CHST11: variants seen among roughly 807,000 people sequenced by gnomAD.
CHST11 encodes C4S-1.
In CHST11, 9 loss-of-function variants were observed where a neutral mutation model predicts 30.4. The observed-to-expected ratio is 0.30, with a 90% CI of 0.18 to 0.52. The LOEUF (loss-of-function observed/expected upper bound fraction) is 0.52, where lower values mean the gene tolerates loss of function less well. Among genes scored for constraint, CHST11 ranks in the 20% least tolerant of loss-of-function variants. The pLI, the probability that CHST11 is intolerant of heterozygous loss-of-function variation, is 0.97. For missense variants in CHST11, 348 were observed against 460.6 expected (o/e 0.76, Z 2.24); for synonymous variants, 152 against 187.8 (o/e 0.81, Z 1.56).
At chr12:104,499,328 C>T (rs1383636373) in intron 1 of CHST11, among the ~76,000 whole-genome samples, 2 of 152,114 alleles carry the variant, frequency 1.3e-5, no homozygotes, top group Admixed American at 1.3e-4. Context: ...CAGTGGGGCC[C>T]CAGAAGCTCA....
Position 104,757,246 on chromosome 12 carries a change from A to G in CHST11, c.502A>G (p.Ser168Gly). 1.2e-6 allele frequency: 2 copies of G among 1,614,084 alleles called. No individual in the cohort carries two copies. Among genetic ancestry groups the G allele is most frequent in the Non-Finnish European group, 1.7e-6 (2 of 1,180,006 alleles). ...CAACCTGAAGACCCTGAACCAGTAC[A>G]GCATCCCAGAAATCAACCACCGCTT... ...SANLKTLNQY[S>G]IPEINHRLKS... Residue 168 changes from serine to glycine, a missense_variant, in exon 3 of 3, where the codon AGC (serine) becomes GGC (glycine). Ser to Gly is a moderately conservative substitution (Grantham distance 56). Around this residue, in one of 3 missense-constraint regions of CHST11, gnomAD observed 210 missense variants for 287.2 expected, o/e 0.73. Transcript: ENST00000303694. The surrounding 1 kb of genome is among the most constrained non-coding windows in gnomAD (Gnocchi z 6.5).
chr12:104,722,155 A>AGTGTCTGTGT (rs1555247510), intron 2 of CHST11, among the ~76,000 whole-genome samples: 2 of 137,482 alleles, frequency 1.5e-5, no homozygotes, highest in Non-Finnish European at 3.1e-5. Flanking sequence ...CACTCAGCTA[A>AGTGTCTGTGT]GTGTGTGTGT....
At chr12:104,513,305 T>C (rs191334593) in intron 1 of CHST11, among the ~76,000 whole-genome samples, 122 of 152,262 alleles carry the variant, frequency 8.0e-4, no homozygotes, top group Admixed American at 2.7e-3. Context: ...ATATTTTCTA[T>C]ATTCAGAGAT....
chr12:104,663,239 T>C lies in CHST11; in HGVS notation c.204+61248T>C, dbSNP rs137928786. 3.3e-5 allele frequency among the ~76,000 whole-genome samples: 5 copies of C among 152,384 alleles called. No homozygotes were observed. The East Asian group carries it at 9.6e-4, about 29-fold the overall frequency. On this transcript the variant is annotated intron_variant, in intron 2 of 2. Coordinates refer to ENST00000303694, the MANE Select transcript of CHST11 (RefSeq NM_018413.6). ...CGACTTCCATCTCGTGACGTTCTAC[T>C]GAATCTGTGATTTCGCTAAGGTTGA... is the stretch of plus-strand genomic sequence containing the variant.
chr12:104,559,951 T>G (rs2038496970), intron 1 of CHST11, among the ~76,000 whole-genome samples: 1 of 152,186 alleles, frequency 6.6e-6, no homozygotes, highest in African/African-American at 2.4e-5. Context: ...AACCTAATAT[T>G]TTGGAAGGTA....
At chr12:104,579,783 C>G (rs1038451996) in intron 1 of CHST11, among the ~76,000 whole-genome samples, 1 of 152,146 alleles carries the variant, frequency 6.6e-6, no homozygotes, top group African/African-American at 2.4e-5. Context: ...AGCTTGTATC[C>G]CACAGATGGA....
chr12:104,566,371 T>TG (rs148313365), intron 1 of CHST11, among the ~76,000 whole-genome samples: 10 of 151,210 alleles, frequency 6.6e-5, no homozygotes, highest in East Asian at 2.0e-4. Context: ...GCGGTTGGGG[T>TG]GGGGGGGCGG....
chr12:104,596,809 G>A (rs964432121), intron 1 of CHST11, among the ~76,000 whole-genome samples: 3 of 152,136 alleles, frequency 2.0e-5, no homozygotes, highest in South Asian at 2.1e-4. Context: ...TATGACTTCC[G>A]TCCCTGGTTC....
intron 1 of CHST11, among the ~76,000 whole-genome samples, chr12:104,583,861 T>C (rs531826087): frequency 6.6e-6 from 1 of 152,080 alleles, no homozygotes; most frequent in Non-Finnish European, 1.5e-5. Flanking sequence ...TACAGGCACC[T>C]GCCACCACAC....
At chr12:104,637,073 C>T (rs1430384844) in intron 2 of CHST11, among the ~76,000 whole-genome samples, 3 of 151,788 alleles carry the variant, frequency 2.0e-5, no homozygotes, top group Non-Finnish European at 2.9e-5. Flanking sequence ...GAGGCTGAGG[C>T]AGGTGGATTG....
chr12:104,693,579 G>A (rs1368227894), intron 2 of CHST11, among the ~76,000 whole-genome samples: 1 of 152,182 alleles, frequency 6.6e-6, no homozygotes, highest in African/African-American at 2.4e-5. Context: ...CACTGGATGG[G>A]AGACAAGAAA....
chr12:104,568,749 C>T lies in CHST11; in HGVS notation c.119-33157C>T, dbSNP rs118162885. 3.4e-3 allele frequency among the ~76,000 whole-genome samples: 510 copies of T among 152,184 alleles called. 5 individuals are homozygous for T. The highest frequency in any genetic ancestry group is 5.4e-3 in the Non-Finnish European group (365 of 68,010). ...AGCTCAGAGAGGTTAAGTAACTTGA[C>T]CAAATTAACACAGTGAAAAAGGGGC... On this transcript the variant is annotated intron_variant, in intron 1 of 2. Transcript: ENST00000303694.
chr12:104,724,751 C>T (rs1435846249), intron 2 of CHST11, among the ~76,000 whole-genome samples: 2 of 152,058 alleles, frequency 1.3e-5, no homozygotes, highest in East Asian at 3.9e-4. Context: ...CATTTGAGAT[C>T]GGCTGTGGTC....
chr12:104,758,596 C>T lies in CHST11; in HGVS notation c.*793C>T, dbSNP rs554059161. On this transcript the variant is annotated 3_prime_UTR_variant, in exon 3 of 3. Transcript: ENST00000303694. ...TATATACTAGGCCCTGAAGATAGAGCGTTGAACAAACCCAATAGTCTTGGC... is the reference window on the plus strand; with the variant it reads ...TATATACTAGGCCCTGAAGATAGAGTGTTGAACAAACCCAATAGTCTTGGC... The T allele has an allele frequency of 2.6e-5, 4 of 152,210 alleles. No homozygotes were observed. Among genetic ancestry groups the T allele is most frequent in the African/African-American group, 7.2e-5 (3 of 41,526 alleles). 9.4% of individuals were successfully genotyped at this position (152,210 alleles called of 1,614,324 possible).
intron 1 of CHST11, among the ~76,000 whole-genome samples, chr12:104,540,956 C>T (rs941684691): frequency 5.3e-5 from 8 of 152,120 alleles, no homozygotes; most frequent in Middle Eastern, 3.2e-3. Flanking sequence ...GCTTTTTCAT[C>T]GCTAGTGTTT....
intron 1 of CHST11, among the ~76,000 whole-genome samples, chr12:104,538,473 C>T (rs989284627): frequency 3.3e-5 from 5 of 152,208 alleles, no homozygotes. Flanking sequence ...TGCTCTTTCC[C>T]ACTCTTCCCC....
intron 1 of CHST11, among the ~76,000 whole-genome samples, chr12:104,570,851 C>G (rs189773202): frequency 6.6e-6 from 1 of 152,006 alleles, no homozygotes; most frequent in East Asian, 1.9e-4. Context: ...TCACCACACC[C>G]GGCTATTTTT....
At chr12:104,612,760 C>A (rs913040393) in intron 2 of CHST11, among the ~76,000 whole-genome samples, 6 of 152,106 alleles carry the variant, frequency 3.9e-5, no homozygotes, top group African/African-American at 1.4e-4. Context: ...ATTGGTACAG[C>A]CATTATGGAA....
rs558145403 is a variant in CHST11 at position 104,761,980 on chromosome 12, T to C, written c.*4177T>C. On this transcript the variant is annotated 3_prime_UTR_variant, in exon 3 of 3. Transcript: ENST00000303694. ...AAAGCCATTCAAGCCTGATTATTTT[T>C]CTAAGTAACTTCAATTAAATTGAAG... 1 of 152,340 alleles carries C rather than the reference T, an allele frequency of 6.6e-6. No homozygotes were observed. The highest frequency in any genetic ancestry group is 6.5e-5 in the Admixed American group (1 of 15,300). 9.4% of individuals were successfully genotyped at this position (152,340 alleles called of 1,614,324 possible). A position where few individuals can be genotyped will look rare whatever the true frequency, so the allele number is the denominator to read the frequency against.
Sources: allele counts gnomAD v4.1 joint callset (sites outside exome capture counted in the v4.1 genomes callset), GRCh38; gene constraint gnomAD v4.1.1; regional missense constraint gnomAD v4.1.1; non-coding constraint Gnocchi (gnomAD v3.1); transcripts MANE v1.5; gene names NCBI Gene and HGNC (gene_info 2026-07-23, HGNC 2026-07-21).